SPRED2: variants seen among roughly 807,000 people sequenced by gnomAD.
SPRED2 encodes the protein sprouty related EVH1 domain containing 2.
SPRED2 carries 47 observed loss-of-function variants against 43.0 expected under a neutral mutation model. The observed-to-expected ratio is 1.09, with a 90% CI of 0.87 to 1.40. The LOEUF is 1.40. Ranked by LOEUF, SPRED2 falls within the 40% of genes most tolerant of loss-of-function variation. The pLI, the probability that SPRED2 is intolerant of heterozygous loss-of-function variation, is 0.00. For synonymous variants in SPRED2, 225 were observed against 225.7 expected (o/e 1.00, Z 0.03); for missense variants, 561 against 586.4 (o/e 0.96, Z 0.45).
chr2:65,312,827 C>G lies in SPRED2; in HGVS notation c.*674G>C. ...AATGTTTTGCATCAGTGAATCATTT[C>G]AACAGATTTTGGGGGGGCAGAAAAT... On this transcript the variant is annotated 3_prime_UTR_variant, in exon 6 of 6. Transcript: ENST00000356388. 1.0e-6 allele frequency: 1 copy of G among 985,788 alleles called. No individual in the cohort carries two copies. The highest frequency in any genetic ancestry group is 1.2e-6 in the Non-Finnish European group (1 of 829,934). The allele number at this position is 985,788 out of a possible 1,614,324, so 61.1% of individuals were successfully genotyped here. A position where few individuals can be genotyped will look rare whatever the true frequency, so the allele number is the denominator to read the frequency against.
intron 1 of SPRED2, among the ~76,000 whole-genome samples, chr2:65,355,854 A>C (rs1286684884): frequency 6.6e-6 from 1 of 152,216 alleles, no homozygotes; most frequent in Non-Finnish European, 1.5e-5. Context: ...TTATTCCAGA[A>C]GCAGTAATTT....
At chr2:65,327,958 G>A (rs1025479549) in intron 4 of SPRED2, among the ~76,000 whole-genome samples, 9 of 151,904 alleles carry the variant, frequency 5.9e-5, no homozygotes, top group African/African-American at 1.9e-4. Context: ...TGCTGACCTC[G>A]TGATCCGCCC....
chr2:65,347,182 T>C (rs1674374947), intron 1 of SPRED2, among the ~76,000 whole-genome samples: 1 of 152,080 alleles, frequency 6.6e-6, no homozygotes, highest in African/African-American at 2.4e-5. Flanking sequence ...TGACCACTTT[T>C]GCCCTCCCCC....
chr2:65,344,601 C>T (rs926405367), intron 2 of SPRED2, 118 bp downstream of exon 2: 1 of 1,360,390 alleles, frequency 7.4e-7, no homozygotes, highest in African/African-American at 1.4e-5. Flanking sequence ...GAAGCTTTTG[C>T]AAGAGTTTGA....
At chr2:65,407,783 T>G (rs1234125078) in intron 1 of SPRED2, among the ~76,000 whole-genome samples, 1 of 152,198 alleles carries the variant, frequency 6.6e-6, no homozygotes, top group East Asian at 1.9e-4. Context: ...AACCTCCCCA[T>G]AACTCCAACT....
At chr2:65,340,863 T>C (rs887427464) in intron 2 of SPRED2, among the ~76,000 whole-genome samples, 3 of 152,170 alleles carry the variant, frequency 2.0e-5, no homozygotes, top group Non-Finnish European at 4.4e-5. Context: ...ATCCAATATA[T>C]CCTAAAAATA....
intron 1 of SPRED2, among the ~76,000 whole-genome samples, chr2:65,378,370 T>TACTG (rs1394848690): frequency 1.3e-5 from 2 of 152,240 alleles, no homozygotes; most frequent in Non-Finnish European, 2.9e-5. Flanking sequence ...CAGAAATACA[T>TACTG]ACTGAAGTAT....
In SPRED2 at chr2:65,312,415, A is replaced by G. The variant is rs1673094436; in HGVS notation, c.*1086T>C. The G allele has an allele frequency of 2.0e-6, 2 of 985,338 alleles. No individual in the cohort carries two copies. Among genetic ancestry groups the G allele is most frequent in the South Asian group, 9.4e-5 (2 of 21,298 alleles). 61.0% of individuals were successfully genotyped at this position (985,338 alleles called of 1,614,324 possible). A position where few individuals can be genotyped will look rare whatever the true frequency, so the allele number is the denominator to read the frequency against. ...CACTCTTCAAATTTATGACATTTAA[A>G]AATCCCCTCTCCCCATTAATATAAA... is the stretch of plus-strand genomic sequence containing the variant. On this transcript the variant is annotated 3_prime_UTR_variant, in exon 6 of 6. Coordinates refer to ENST00000356388, the MANE Select transcript of SPRED2 (RefSeq NM_181784.3).
At chr2:65,414,508 T>C (rs1415413750) in intron 1 of SPRED2, among the ~76,000 whole-genome samples, 2 of 152,198 alleles carry the variant, frequency 1.3e-5, no homozygotes, top group South Asian at 2.1e-4. Flanking sequence ...TCAGTTGTCA[T>C]GGAGGAGTCT....
At chr2:65,372,820 A>C (rs919513929) in intron 1 of SPRED2, among the ~76,000 whole-genome samples, 1 of 152,184 alleles carries the variant, frequency 6.6e-6, no homozygotes, top group African/African-American at 2.4e-5. Flanking sequence ...GCTAGACCCA[A>C]ATCTGCCACT....
chr2:65,318,403 C>T (rs1212535801), intron 4 of SPRED2, among the ~76,000 whole-genome samples: 2 of 151,842 alleles, frequency 1.3e-5, no homozygotes, highest in Admixed American at 1.3e-4. Flanking sequence ...ACCCTCTGGG[C>T]CCAGGGGCTA....
chr2:65,404,138 G>A (rs1272180126), intron 1 of SPRED2, among the ~76,000 whole-genome samples: 4 of 151,828 alleles, frequency 2.6e-5, no homozygotes, highest in Non-Finnish European at 5.9e-5. Flanking sequence ...CCCAGGAGAC[G>A]GAGATTGCAG....
At chr2:65,423,994 G>C (rs1273016779) in intron 1 of SPRED2, among the ~76,000 whole-genome samples, 2 of 152,104 alleles carry the variant, frequency 1.3e-5, no homozygotes, top group Non-Finnish European at 2.9e-5. Context: ...TCTCCATCTT[G>C]GTTGGGCTGG....
At chr2:65,388,406 C>T (rs1448837944) in intron 1 of SPRED2, among the ~76,000 whole-genome samples, 1 of 152,168 alleles carries the variant, frequency 6.6e-6, no homozygotes, top group Non-Finnish European at 1.5e-5. Context: ...GCCCTGCCTG[C>T]CCAGTGCCTG....
chr2:65,326,526 A>G (rs1185515321), intron 4 of SPRED2, among the ~76,000 whole-genome samples: 3 of 152,204 alleles, frequency 2.0e-5, no homozygotes, highest in Non-Finnish European at 4.4e-5. Flanking sequence ...AATCCCAGCT[A>G]GCAGGCAGTT....
intron 1 of SPRED2, among the ~76,000 whole-genome samples, chr2:65,419,515 T>A (rs182482345): frequency 1.9e-3 from 292 of 152,126 alleles, no homozygotes; most frequent in African/African-American, 6.9e-3. Context: ...TTCCCAACTT[T>A]CCAAGCACAA....
intron 1 of SPRED2, among the ~76,000 whole-genome samples, chr2:65,359,787 AGGTGC>A (rs1278813638): frequency 6.6e-6 from 1 of 152,080 alleles, no homozygotes; most frequent in Non-Finnish European, 1.5e-5. Context: ...AAATTGGGCC[AGGTGC>A]GGTGGCTCAT....
chr2:65,353,013 T>G (rs576868860), intron 1 of SPRED2, among the ~76,000 whole-genome samples: 1 of 152,330 alleles, frequency 6.6e-6, no homozygotes, highest in South Asian at 2.1e-4. Context: ...AGAACCCTTA[T>G]ACAAAACACG....
intron 1 of SPRED2, among the ~76,000 whole-genome samples, chr2:65,363,005 GTTTTTTTTTTTT>G (rs113081105): frequency 1.2e-4 from 14 of 121,072 alleles, no homozygotes; most frequent in Non-Finnish European, 2.0e-4. Context: ...ATCATGTTTT[GTTTTTTTTTTTT>G]TTTTTTTTTT....
Sources: allele counts gnomAD v4.1 joint callset (sites outside exome capture counted in the v4.1 genomes callset), GRCh38; gene constraint gnomAD v4.1.1; transcripts MANE v1.5; gene names NCBI Gene and HGNC (gene_info 2026-07-23, HGNC 2026-07-21).